ASAP1: variants seen among roughly 807,000 people sequenced by gnomAD.
ASAP1 encodes the protein ArfGAP with SH3 domain, ankyrin repeat and PH domain 1.
In ASAP1, 43 loss-of-function variants were observed where a neutral mutation model predicts 145.2. The ratio of observed to expected loss-of-function variants is 0.30; its 90% CI spans 0.23 to 0.38. The LOEUF (loss-of-function observed/expected upper bound fraction) is 0.38, where lower values mean the gene tolerates loss of function less well. ASAP1 is among the 10% of genes least tolerant of loss of function. The pLI, the probability that ASAP1 is intolerant of heterozygous loss-of-function variation, is 1.00. For missense variants in ASAP1, 1,018 were observed against 1,355.3 expected, an observed-to-expected ratio of 0.75 and a Z score of 3.91; for synonymous variants, 546 against 515.5, an observed-to-expected ratio of 1.06 and a Z score of -0.80.
At chr8:130,321,345 C>T (rs1460363292) in intron 3 of ASAP1, among the ~76,000 whole-genome samples, 1 of 151,954 alleles carries the variant, frequency 6.6e-6, no homozygotes, top group East Asian at 1.9e-4. Flanking sequence ...TGTGGGCTTA[C>T]ACATGAGGGT....
At chr8:130,259,954 T>C (rs1209370913) in intron 3 of ASAP1, among the ~76,000 whole-genome samples, 2 of 152,206 alleles carry the variant, frequency 1.3e-5, no homozygotes, top group East Asian at 1.9e-4. Flanking sequence ...TAAAATTCCT[T>C]GCCAAGTGAC....
chr8:130,258,963 G>T (rs144114908), intron 3 of ASAP1, among the ~76,000 whole-genome samples: 80 of 152,096 alleles, frequency 5.3e-4, no homozygotes, highest in African/African-American at 1.9e-3. Flanking sequence ...TTCCCTATTT[G>T]CCCCATCGAT....
intron 3 of ASAP1, among the ~76,000 whole-genome samples, chr8:130,348,689 A>T (rs1825830077): frequency 2.0e-5 from 3 of 152,230 alleles, no homozygotes; most frequent in Admixed American, 1.3e-4. Context: ...TGAAAATTCA[A>T]GGAGAGATCT....
intron 27 of ASAP1, among the ~76,000 whole-genome samples, chr8:130,069,992 T>C (rs952820910): frequency 6.6e-6 from 1 of 152,206 alleles, no homozygotes; most frequent in Non-Finnish European, 1.5e-5. Flanking sequence ...GATAGGATGA[T>C]GAAAGTTGGT....
chr8:130,262,419 AGAGAG>A lies in ASAP1; in HGVS notation c.187-25430_187-25426del, dbSNP rs1565148916. On this transcript the variant is annotated intron_variant, in intron 3 of 29. Coordinates refer to ENST00000518721, the MANE Select transcript of ASAP1 (RefSeq NM_018482.4). ...AAAAAAAAAAAAAAAAAAAAAAAAGAGAGAGAGAGAGAGAGAGAGAGAGAGAGAGA... is the reference window on the plus strand; with the variant it reads ...AAAAAAAAAAAAAAAAAAAAAAAAGAAGAGAGAGAGAGAGAGAGAGAGAGA... Among the ~76,000 whole-genome samples the A allele has an allele frequency of 4.0e-3, 118 of 29,520 alleles. 1 individual carries two copies. Among genetic ancestry groups the A allele is most frequent in the African/African-American group, 7.5e-3 (65 of 8,628 alleles). The allele number at this position is 29,520 out of a possible 152,430, so 19.4% of individuals were successfully genotyped here. A position where few individuals can be genotyped will look rare whatever the true frequency, so the allele number is the denominator to read the frequency against.
intron 3 of ASAP1, among the ~76,000 whole-genome samples, chr8:130,287,344 A>C (rs558692314): frequency 1.2e-4 from 19 of 152,308 alleles, no homozygotes; most frequent in African/African-American, 3.9e-4. Context: ...GATTAGGAAG[A>C]GCTTGAACAA....
At chr8:130,372,999 G>GACACAGACACACATAC (rs1281792529) in intron 2 of ASAP1, among the ~76,000 whole-genome samples, 2 of 144,204 alleles carry the variant, frequency 1.4e-5, no homozygotes, top group Non-Finnish European at 3.0e-5. Flanking sequence ...GACATACACA[G>GACACAGACACACATAC]ACACAGACAC....
At chr8:130,349,394 T>A (rs946449113) in intron 3 of ASAP1, among the ~76,000 whole-genome samples, 3 of 152,188 alleles carry the variant, frequency 2.0e-5, no homozygotes, top group Non-Finnish European at 4.4e-5. Context: ...AATGCAATAA[T>A]ACAATAATAC....
chr8:130,435,570 T>A (rs1294677993), intron 1 of ASAP1, among the ~76,000 whole-genome samples: 2 of 152,256 alleles, frequency 1.3e-5, no homozygotes, highest in Non-Finnish European at 2.9e-5. Flanking sequence ...AGGCAATTTT[T>A]ACATTTTTAT....
intron 3 of ASAP1, among the ~76,000 whole-genome samples, chr8:130,243,250 C>G (rs1818649849): frequency 6.6e-6 from 1 of 152,104 alleles, no homozygotes; most frequent in Non-Finnish European, 1.5e-5. Context: ...CTGGGGCTTG[C>G]TTTATCCATA....
chr8:130,429,859 C>T (rs1369984695), intron 1 of ASAP1, among the ~76,000 whole-genome samples: 1 of 152,176 alleles, frequency 6.6e-6, no homozygotes, highest in Non-Finnish European at 1.5e-5. Flanking sequence ...ATTCATGTGG[C>T]CCTGCTTATG....
chr8:130,204,781 GA>G (rs1413239303), intron 5 of ASAP1, among the ~76,000 whole-genome samples: 1 of 152,194 alleles, frequency 6.6e-6, no homozygotes, highest in Non-Finnish European at 1.5e-5. Context: ...CACACGAGAA[GA>G]AAATAAACCA....
At chr8:130,413,667 AAGC>A (rs1211952942) in intron 1 of ASAP1, among the ~76,000 whole-genome samples, 1 of 152,086 alleles carries the variant, frequency 6.6e-6, no homozygotes, top group Non-Finnish European at 1.5e-5. Context: ...AAATCCATCA[AAGC>A]ATATCTGTGC....
intron 6 of ASAP1, among the ~76,000 whole-genome samples, chr8:130,187,801 G>A (rs980531128): frequency 6.6e-6 from 1 of 152,184 alleles, no homozygotes; most frequent in Non-Finnish European, 1.5e-5. Flanking sequence ...TGATGAAGCA[G>A]GAGCCCGAGG....
At chr8:130,188,733 A>AAAAAAAAG (rs1442164696) in intron 5 of ASAP1, among the ~76,000 whole-genome samples, 7 of 151,202 alleles carry the variant, frequency 4.6e-5, no homozygotes, top group Admixed American at 1.3e-4. Context: ...CAAAAAAAAA[A>AAAAAAAAG]AAAAAAAAAA....
chr8:130,099,459 C>A (rs1592796497), intron 24 of ASAP1, among the ~76,000 whole-genome samples: 2 of 151,716 alleles, frequency 1.3e-5, no homozygotes, highest in Admixed American at 1.3e-4. Flanking sequence ...GGATTACAGG[C>A]ATGAGCCACT....
At chr8:130,391,363 C>A (rs892184749) in intron 2 of ASAP1, among the ~76,000 whole-genome samples, 3 of 152,160 alleles carry the variant, frequency 2.0e-5, no homozygotes, top group Non-Finnish European at 4.4e-5. Flanking sequence ...GATTTCGCGG[C>A]AATGGTTGCA....
intron 3 of ASAP1, among the ~76,000 whole-genome samples, chr8:130,254,350 T>C (rs1227063215): frequency 1.3e-5 from 2 of 152,210 alleles, no homozygotes; most frequent in African/African-American, 2.4e-5. Flanking sequence ...ATGTGACTAG[T>C]ATAAAACAAG....
At chr8:130,233,410 G>A (rs1019583014) in intron 4 of ASAP1, among the ~76,000 whole-genome samples, 11 of 152,172 alleles carry the variant, frequency 7.2e-5, no homozygotes, top group African/African-American at 2.7e-4. Context: ...AAAGAGCAAA[G>A]CTGGGGTCAG....
Sources: gnomAD v4.1 joint callset for allele counts (sites outside exome capture counted in the v4.1 genomes callset) on GRCh38, gnomAD v4.1.1 for gene constraint, MANE v1.5 for transcripts, NCBI Gene and HGNC (gene_info 2026-07-23, HGNC 2026-07-21) for gene names.